C1orf198: variants seen among roughly 807,000 people sequenced by gnomAD.
The protein encoded by C1orf198 is uncharacterized protein C1orf198.
In C1orf198, 17 loss-of-function variants were observed where a neutral mutation model predicts 31.4. That is an observed-to-expected ratio of 0.54 (90% CI 0.37 to 0.81). The LOEUF is 0.81. Among genes scored for constraint, C1orf198 ranks in the 40% least tolerant of loss-of-function variants. C1orf198 has a pLI of 0.00. For synonymous variants in C1orf198, 175 were observed against 193.8 expected (o/e 0.90, Z 0.81); for missense variants, 401 against 450.3 (o/e 0.89, Z 0.99).
At chr1:230,844,875 A>C (rs1044447682) in intron 2 of C1orf198, among the ~76,000 whole-genome samples, 1 of 152,230 alleles carries the variant, frequency 6.6e-6, no homozygotes, top group African/African-American at 2.4e-5. Flanking sequence ...AGTGATCTCT[A>C]AAAATGACAC....
intron 1 of C1orf198, among the ~76,000 whole-genome samples, chr1:230,866,640 T>C (rs1352082591): frequency 2.0e-5 from 3 of 152,178 alleles, no homozygotes; most frequent in Non-Finnish European, 4.4e-5. Flanking sequence ...TAAGGGAAAA[T>C]GACAGTCACT....
At chr1:230,860,260 G>A (rs1420566252) in intron 1 of C1orf198, among the ~76,000 whole-genome samples, 1 of 152,160 alleles carries the variant, frequency 6.6e-6, no homozygotes, top group East Asian at 1.9e-4. Context: ...CACTCTTGGT[G>A]GGAATGTAAA....
In C1orf198 at chr1:230,840,024, A is replaced by G. The variant is rs1669401245; in HGVS notation, c.928-116T>C. On this transcript the variant is annotated intron_variant, in intron 3 of 3. Coordinates refer to ENST00000366663, the MANE Select transcript of C1orf198 (RefSeq NM_032800.3). This position sits in a 1 kb window ranked among gnomAD's most constrained non-coding sequence, Gnocchi z 4.0. ...AGATAAAAGAGCCTACTTCTGTCTC[A>G]GAGGTTCCCTGACCTCAATTTATCT... The G allele has an allele frequency of 1.2e-6, 1 of 856,614 alleles. No homozygotes were observed. Among genetic ancestry groups the G allele is most frequent in the Non-Finnish European group, 1.8e-6 (1 of 552,854 alleles). 53.1% of individuals were successfully genotyped at this position (856,614 alleles called of 1,614,324 possible).
chr1:230,843,658 T>C lies in C1orf198; in HGVS notation c.623A>G (p.Gln208Arg). The C allele has an allele frequency of 1.9e-6, 3 of 1,614,242 alleles. No homozygotes were observed. The South Asian group carries it at 3.3e-5, about 18-fold the overall frequency. The change falls in exon 3 of 4, where the codon CAG (glutamine) becomes CGG (arginine). Residue 208 changes from glutamine (Q) to arginine (R), a missense_variant. Physicochemically the swap from Gln to Arg is conservative, Grantham distance 43 (BLOSUM62 1). Coordinates refer to ENST00000366663, the MANE Select transcript of C1orf198 (RefSeq NM_032800.3). This position sits in a 1 kb window ranked among gnomAD's most constrained non-coding sequence, Gnocchi z 4.9. ...SRGEGPEAEF[Q>R]SLTPSQIKSM... ...CTTGATCTGGCTAGGGGTCAGCGAC[T>C]GGAACTCGGCCTCAGGCCCCTCCCC... is the stretch of plus-strand genomic sequence containing the variant.
intron 2 of C1orf198, 133 bp from the exon 3 acceptor site, chr1:230,844,029 G>C: frequency 2.1e-6 from 2 of 936,972 alleles, no homozygotes; most frequent in Non-Finnish European, 1.6e-6. Context: ...TTGCCCATGT[G>C]CTGGAACTGT....
At chr1:230,846,900 G>A (rs1001274650) in intron 2 of C1orf198, among the ~76,000 whole-genome samples, 4 of 151,998 alleles carry the variant, frequency 2.6e-5, no homozygotes, top group East Asian at 1.9e-4. Flanking sequence ...TCAGGAGATC[G>A]AGACCATCCC....
chr1:230,868,364 A>G lies in C1orf198; in HGVS notation c.149T>C (p.Ile50Thr). The G allele has an allele frequency of 6.3e-7, 1 of 1,598,006 alleles. No homozygotes were observed. The highest frequency in any genetic ancestry group is 8.5e-7 in the Non-Finnish European group (1 of 1,173,132). The change falls in exon 1 of 4, where the codon ATC becomes ACC. Residue 50 changes from isoleucine to threonine, a missense_variant. Coordinates refer to ENST00000366663, the MANE Select transcript of C1orf198 (RefSeq NM_032800.3). ...CCACTCGGGCCCGTACTTCTCGCGGATCTTCTCCTTGTCCTGCATGATCTT... is the reference window on the plus strand; with the variant it reads ...CCACTCGGGCCCGTACTTCTCGCGGGTCTTCTCCTTGTCCTGCATGATCTT... ...ARKIMQDKEKIREKYGPEWAR... is the reference protein window; with the variant it reads ...ARKIMQDKEKTREKYGPEWAR...
rs1261642832 is a variant in C1orf198, at chr1:230,843,130, G to T, written c.927+224C>A. 6.6e-6 allele frequency among the ~76,000 whole-genome samples: 1 copy of T among 152,204 alleles called. No homozygotes were observed. ...GCAGTGGGCCACGGAACCCTGACTG[G>T]TAAACAAATTAGGGCACCCAGATGG... On this transcript the variant is annotated intron_variant, in intron 3 of 3. Transcript: ENST00000366663. This position sits in a 1 kb window ranked among gnomAD's most constrained non-coding sequence, Gnocchi z 4.9.
At chr1:230,846,160 CA>C (rs952978500) in intron 2 of C1orf198, among the ~76,000 whole-genome samples, 2 of 152,192 alleles carry the variant, frequency 1.3e-5, no homozygotes, top group African/African-American at 4.8e-5. Flanking sequence ...AGTGAAATAT[CA>C]AAATACAAAC....
rs185973061 is a variant in C1orf198 at position 230,843,831 on chromosome 1, G to A, written c.450C>T (p.Ser150=). ...AAGCTTTGGACAGTGGTCTGGGCTC[G>A]CTGGCGGCGGTGCCGTTGCTCGGCT... ...IQEPSNGTAA[S]EPRPLSKASQ... The change falls in exon 3 of 4, where the codon AGC becomes AGT. Residue 150 remains serine (S), a synonymous_variant. Transcript: ENST00000366663. This position sits in a 1 kb window ranked among gnomAD's most constrained non-coding sequence, Gnocchi z 4.9. The A allele has an allele frequency of 2.0e-5, 31 of 1,558,444 alleles. No individual in the cohort carries two copies. Among genetic ancestry groups the A allele is most frequent in the East Asian group, 1.4e-4 (6 of 44,368 alleles).
intron 1 of C1orf198, 181 bp from the exon 2 acceptor site, chr1:230,855,899 T>C (rs879829716): frequency 1.5e-5 from 21 of 1,363,412 alleles, no homozygotes; most frequent in Non-Finnish European, 2.0e-5. Flanking sequence ...GATTGCTCCC[T>C]CATCTTTCCC....
At chr1:230,855,109 T>C (rs1369374737) in intron 2 of C1orf198, among the ~76,000 whole-genome samples, 1 of 152,146 alleles carries the variant, frequency 6.6e-6, no homozygotes, top group Non-Finnish European at 1.5e-5. Context: ...ACTTAGGAGA[T>C]GGGGAAAATG....
upstream of C1orf198, chr1:230,868,699 G>A (rs1670186988): frequency 3.9e-6 from 1 of 256,286 alleles, no homozygotes; most frequent in Non-Finnish European, 6.3e-6. Context: ...CCCCTCCCCG[G>A]GAGCTCCTCC....
chr1:230,837,970 T>G lies in C1orf198; in HGVS notation c.*1882A>C, dbSNP rs1185032569. 1 of 152,206 alleles carries G rather than the reference T, an allele frequency of 6.6e-6. No individual in the cohort carries two copies. Among genetic ancestry groups the G allele is most frequent in the African/African-American group, 2.4e-5 (1 of 41,438 alleles). 9.4% of individuals were successfully genotyped at this position (152,206 alleles called of 1,614,324 possible). A position where few individuals can be genotyped will look rare whatever the true frequency, so the allele number is the denominator to read the frequency against. On this transcript the variant is annotated 3_prime_UTR_variant, in exon 4 of 4. Coordinates refer to ENST00000366663, the MANE Select transcript of C1orf198 (RefSeq NM_032800.3). ...GAAGAGGCAGATCACCTTGGCCTAC[T>G]CTCTAGGACACAGGTCTTTCTTCTG... is the stretch of plus-strand genomic sequence containing the variant.
At chr1:230,851,083 G>A (rs1187657593) in intron 2 of C1orf198, among the ~76,000 whole-genome samples, 3 of 152,064 alleles carry the variant, frequency 2.0e-5, no homozygotes, top group African/African-American at 7.3e-5. Context: ...CAGAGGAAGG[G>A]CCTGTGCTCA....
intron 2 of C1orf198, among the ~76,000 whole-genome samples, chr1:230,851,636 A>T (rs1669747880): frequency 6.6e-6 from 1 of 152,186 alleles, no homozygotes; most frequent in Non-Finnish European, 1.5e-5. Flanking sequence ...GGAAAAGATG[A>T]CAATCACGAC....
chr1:230,846,695 G>A (rs1032445946), intron 2 of C1orf198, among the ~76,000 whole-genome samples: 1 of 152,258 alleles, frequency 6.6e-6, no homozygotes, highest in South Asian at 2.1e-4. Flanking sequence ...GGACGCGGTG[G>A]CTCACGCCTG....
rs1669905883 is a variant in C1orf198 at position 230,857,646 on chromosome 1, G to T, written c.334-1928C>A. On this transcript the variant is annotated intron_variant, in intron 1 of 3. Coordinates refer to ENST00000366663, the MANE Select transcript of C1orf198 (RefSeq NM_032800.3). The surrounding 1 kb of genome is among the most constrained non-coding windows in gnomAD (Gnocchi z 4.2). ...GGGGATAAAGAGCAAGGAAAACCCAGAGAGGAGACTGTCAAAAGGCCAGAA... is the reference window on the plus strand; with the variant it reads ...GGGGATAAAGAGCAAGGAAAACCCATAGAGGAGACTGTCAAAAGGCCAGAA... Among the ~76,000 whole-genome samples the T allele has an allele frequency of 6.6e-6, 1 of 152,166 alleles. No individual in the cohort carries two copies. Among genetic ancestry groups the T allele is most frequent in the Non-Finnish European group, 1.5e-5 (1 of 68,036 alleles).
Position 230,837,163 on chromosome 1 carries a change from A to G in C1orf198, c.*2689T>C, listed in dbSNP as rs1373997902. 6.5e-6 allele frequency: 1 copy of G among 152,692 alleles called. No homozygotes were observed. The highest frequency in any genetic ancestry group is 1.5e-5 in the Non-Finnish European group (1 of 68,052). 9.5% of individuals were successfully genotyped at this position (152,692 alleles called of 1,614,324 possible). A position where few individuals can be genotyped will look rare whatever the true frequency, so the allele number is the denominator to read the frequency against. On this transcript the variant is annotated 3_prime_UTR_variant, in exon 4 of 4. Coordinates refer to ENST00000366663, the MANE Select transcript of C1orf198 (RefSeq NM_032800.3). ...TTATTAAAGGCTACAAGTATAAAAT[A>G]TGACTAAGTTACAAGTCGTCAGTAA...
Sources: allele counts gnomAD v4.1 joint callset (sites outside exome capture counted in the v4.1 genomes callset), GRCh38; gene constraint gnomAD v4.1.1; non-coding constraint Gnocchi (gnomAD v3.1); transcripts MANE v1.5; gene names NCBI Gene and HGNC (gene_info 2026-07-23, HGNC 2026-07-21).